Variants in TPCN1 observed in about 807,000 individuals in gnomAD.
TPCN1 encodes the protein two pore segment channel 1, also known as two pore channel protein 1.
TPCN1 carries 52 observed loss-of-function variants against 108.8 expected under a neutral mutation model. That is an observed-to-expected ratio of 0.48 (90% confidence interval 0.38 to 0.60). TPCN1 has a LOEUF of 0.60. Ranked by LOEUF, TPCN1 falls within the 20% of genes least tolerant of loss-of-function variation. The pLI is 0.00. For missense variants in TPCN1, 806 were observed against 1,072.8 expected (o/e 0.75, Z 3.47); for synonymous variants, 446 against 433.7 (o/e 1.03, Z -0.35).
intron 2 of TPCN1, among the ~76,000 whole-genome samples, chr12:113,257,298 C>T (rs867682425): frequency 6.6e-6 from 1 of 152,110 alleles, no homozygotes; most frequent in Non-Finnish European, 1.5e-5. Flanking sequence ...TCAAGGCCAG[C>T]CTGGCCAACA....
chr12:113,295,523 C>CA (rs1956396186), intron 27 of TPCN1, among the ~76,000 whole-genome samples: 1 of 150,962 alleles, frequency 6.6e-6, no homozygotes, highest in Non-Finnish European at 1.5e-5. Flanking sequence ...CTGAAAATGT[C>CA]AGAGTTTATA....
intron 18 of TPCN1, among the ~76,000 whole-genome samples, chr12:113,286,271 AC>A (rs984889957): frequency 1.2e-4 from 19 of 152,156 alleles, no homozygotes; most frequent in Non-Finnish European, 2.5e-4. Context: ...CACAATGCCC[AC>A]AGAAAAGAAT....
chr12:113,259,241 T>C (rs1238930854), intron 2 of TPCN1, among the ~76,000 whole-genome samples: 1 of 152,158 alleles, frequency 6.6e-6, no homozygotes, highest in Non-Finnish European at 1.5e-5. Context: ...CCTCCCAAAG[T>C]GCTGGGATTA....
intron 3 of TPCN1, among the ~76,000 whole-genome samples, chr12:113,264,848 AT>A (rs2136604253): frequency 6.6e-6 from 1 of 152,020 alleles, no homozygotes; most frequent in East Asian, 1.9e-4. Context: ...CTTTTTGTTT[AT>A]TTTTTTGGAG....
intron 2 of TPCN1, among the ~76,000 whole-genome samples, chr12:113,230,391 T>A (rs1034266298): frequency 6.7e-6 from 1 of 149,582 alleles, no homozygotes; most frequent in African/African-American, 2.5e-5. Context: ...CAGGTTCAAG[T>A]GATCCTCCCA....
chr12:113,283,645 A>C (rs1191793084), intron 15 of TPCN1, among the ~76,000 whole-genome samples: 2 of 151,672 alleles, frequency 1.3e-5, no homozygotes, highest in Non-Finnish European at 2.9e-5. Context: ...AAAAAAAAAA[A>C]GTAATATGTA....
Position 113,293,093 on chromosome 12 carries a change from G to C in TPCN1, c.2253+20G>C. ...TACCAGGTGAGGAGCCCAGGCCCTG[G>C]TCCGAAGGAGGGAGGCAGGTTTCAG... On this transcript the variant is annotated intron_variant, in intron 26 of 27. Coordinates refer to ENST00000335509, the MANE Select transcript of TPCN1 (RefSeq NM_017901.6). 6.2e-7 allele frequency: 1 copy of C among 1,606,290 alleles called. No homozygotes were observed.
At position 113,232,744 on chromosome 12, in the gene TPCN1, A is replaced by G. The variant is rs1953734503; in HGVS notation, c.112+5780A>G. Among the ~76,000 whole-genome samples, 1 of 152,198 alleles carries G rather than the reference A, an allele frequency of 6.6e-6. No individual in the cohort carries two copies. The highest frequency in any genetic ancestry group is 1.5e-5 in the Non-Finnish European group (1 of 68,024). On this transcript the variant is annotated intron_variant, in intron 2 of 27. Coordinates refer to ENST00000335509, the MANE Select transcript of TPCN1 (RefSeq NM_017901.6). This position sits in a 1 kb window ranked among gnomAD's most constrained non-coding sequence, Gnocchi z 5.6. ...TGAGTGAGAGCATGTGTGTGATCACATGGTCAGTGCTCAGCCGGTCATAGG... is the reference window on the plus strand; with the variant it reads ...TGAGTGAGAGCATGTGTGTGATCACGTGGTCAGTGCTCAGCCGGTCATAGG...
At chr12:113,260,294 T>A in intron 2 of TPCN1, 74 bp from the exon 3 acceptor site, 2 of 1,435,466 alleles carry the variant, frequency 1.4e-6, no homozygotes, top group Non-Finnish European at 1.8e-6. Context: ...CTGCCAGGCT[T>A]TTCTTCTGCC....
rs749656775 is a variant in TPCN1, at chr12:113,291,686, C to T, written c.2028+9C>T. 53 of 1,613,092 alleles carry T rather than the reference C, an allele frequency of 3.3e-5. No individual in the cohort carries two copies. Among genetic ancestry groups the T allele is most frequent in the Admixed American group, 1.8e-4 (11 of 59,890 alleles). On this transcript the variant is annotated intron_variant, in intron 24 of 27. Transcript: ENST00000335509. ...TTTACATTGTGACCATGGTAGGTCC[C>T]GGACCACAGAACGCTCTTTGTCCTT... is the stretch of plus-strand genomic sequence containing the variant.
intron 2 of TPCN1, among the ~76,000 whole-genome samples, chr12:113,233,066 T>A (rs2136449626): frequency 6.6e-6 from 1 of 151,992 alleles, no homozygotes; most frequent in African/African-American, 2.4e-5. Flanking sequence ...TTAAAATGAG[T>A]AAGCATCCAG....
intron 2 of TPCN1, among the ~76,000 whole-genome samples, chr12:113,254,477 G>C (rs1185190895): frequency 1.3e-5 from 2 of 152,130 alleles, no homozygotes; most frequent in African/African-American, 4.8e-5. Flanking sequence ...TCATGACTAG[G>C]GGGACTTAGC....
rs372219616 is a variant in TPCN1, at chr12:113,231,905, C to T, written c.112+4941C>T. ...TAGAGACAGACCACAGTCCACACCG[C>T]GTGACAGGCGGTGGTCTCACCCACC... is the stretch of plus-strand genomic sequence containing the variant. On this transcript the variant is annotated intron_variant, in intron 2 of 27. Transcript: ENST00000335509. This position sits in a 1 kb window ranked among gnomAD's most constrained non-coding sequence, Gnocchi z 4.3. Among the ~76,000 whole-genome samples, 18 of 152,294 alleles carry T rather than the reference C, an allele frequency of 1.2e-4. No homozygotes were observed. The highest frequency in any genetic ancestry group is 1.7e-4 in the African/African-American group (7 of 41,560).
Position 113,267,934 on chromosome 12 carries a change from G to T in TPCN1, c.506G>T (p.Arg169Leu). The T allele has an allele frequency of 6.2e-7, 1 of 1,613,536 alleles. No individual in the cohort carries two copies. Among genetic ancestry groups the T allele is most frequent in the Non-Finnish European group, 8.5e-7 (1 of 1,179,586 alleles). ...LRWLGLHTFI[R>L]HKRTMVKTSV... Reference sequence around the variant, plus strand: ...TGGCTGGGCCTCCACACCTTCATCCGGCACAAGCGGACCATGGTCAAGGTG... The same window carrying T: ...TGGCTGGGCCTCCACACCTTCATCCTGCACAAGCGGACCATGGTCAAGGTG... Residue 169 changes from arginine (R) to leucine (L), a missense_variant, in exon 5 of 28, where the codon CGG becomes CTG. Transcript: ENST00000335509.
At chr12:113,278,330 C>G in intron 13 of TPCN1, 93 bp downstream of exon 13, 1 of 1,180,258 alleles carries the variant, frequency 8.5e-7, no homozygotes, top group South Asian at 1.2e-5. Flanking sequence ...CCAGCTCTCT[C>G]CCTGCTAGAG....
intron 2 of TPCN1, among the ~76,000 whole-genome samples, chr12:113,229,318 T>A (rs973408113): frequency 6.6e-6 from 1 of 152,252 alleles, no homozygotes; most frequent in Non-Finnish European, 1.5e-5. Flanking sequence ...GACTTGTGGG[T>A]GTAATTCACC....
intron 2 of TPCN1, among the ~76,000 whole-genome samples, chr12:113,248,282 A>G (rs540465501): frequency 1.6e-4 from 24 of 152,268 alleles, no homozygotes; most frequent in Admixed American, 9.1e-4. Flanking sequence ...AAGACCTTCT[A>G]TTTCACTTCA....
At position 113,278,929 on chromosome 12, in the gene TPCN1, G is replaced by GGT. The variant is rs144760721; in HGVS notation, c.1297+111_1297+112dup. ...AAGCGTCTGAGGAGAGGTTCAGAGG[G>GGT]GTGTGTGTGTGTGTGTGTTTGTCTG... On this transcript the variant is annotated intron_variant, in intron 14 of 27. Coordinates refer to ENST00000335509, the MANE Select transcript of TPCN1 (RefSeq NM_017901.6). 2,284 of 1,073,006 alleles carry GGT rather than the reference G, an allele frequency of 2.1e-3. 11 individuals carry two copies. Among genetic ancestry groups the GGT allele is most frequent in the African/African-American group, 0.015 (926 of 63,770 alleles). The allele number at this position is 1,073,006 out of a possible 1,614,324, so 66.5% of individuals were successfully genotyped here.
chr12:113,251,059 C>T (rs1202128694), intron 2 of TPCN1, among the ~76,000 whole-genome samples: 1 of 151,860 alleles, frequency 6.6e-6, no homozygotes, highest in Non-Finnish European at 1.5e-5. Context: ...TCCTAGAACT[C>T]TGGGAGGGCG....
Sources: allele counts gnomAD v4.1 joint callset (sites outside exome capture counted in the v4.1 genomes callset), GRCh38; gene constraint gnomAD v4.1.1; non-coding constraint Gnocchi (gnomAD v3.1); transcripts MANE v1.5; gene names NCBI Gene and HGNC (gene_info 2026-07-23, HGNC 2026-07-21).